The following KIAA1217 variants were observed in gnomAD, a reference collection of about 807,000 sequenced individuals.
KIAA1217 encodes KIAA1217.
Under a neutral mutation model 163.9 loss-of-function variants are expected in KIAA1217, and 88 were observed. That is an observed-to-expected ratio of 0.54 (90% confidence interval 0.45 to 0.64). KIAA1217 has a LOEUF of 0.64. Ranked by LOEUF, KIAA1217 falls within the 30% of genes least tolerant of loss-of-function variation. The probability of loss-of-function intolerance (pLI) is 0.00; values close to 1 mark genes in which losing one functional copy is unlikely to be tolerated. For missense variants in KIAA1217, 2,372 were observed against 2,475.0 expected (o/e 0.96, Z 0.88); for synonymous variants, 903 against 923.1 (o/e 0.98, Z 0.39).
intron 2 of KIAA1217, among the ~76,000 whole-genome samples, chr10:24,148,062 A>C (rs2064420824): frequency 6.6e-6 from 1 of 152,076 alleles, no homozygotes; most frequent in Admixed American, 6.6e-5. Context: ...CAAAAGAGGC[A>C]AAAGGTTTTT....
At chr10:24,468,037 G>A (rs185995895) in intron 5 of KIAA1217, among the ~76,000 whole-genome samples, 21 of 152,218 alleles carry the variant, frequency 1.4e-4, no homozygotes, top group Admixed American at 7.8e-4. Context: ...AAGAATACCC[G>A]CAGCAAAGGC....
intron 2 of KIAA1217, among the ~76,000 whole-genome samples, chr10:24,029,562 C>T (rs181703009): frequency 1.8e-4 from 27 of 152,170 alleles, no homozygotes; most frequent in Admixed American, 6.6e-4. Flanking sequence ...TTGGAAAGGC[C>T]AGAGGATTTA....
At chr10:23,997,967 T>C (rs1185891260) in intron 1 of KIAA1217, among the ~76,000 whole-genome samples, 1 of 146,648 alleles carries the variant, frequency 6.8e-6, no homozygotes, top group Non-Finnish European at 1.5e-5. Flanking sequence ...CCAGGAGGTA[T>C]GGAGAAGGGG....
At chr10:23,941,621 G>A (rs1564551571) in intron 1 of KIAA1217, among the ~76,000 whole-genome samples, 3 of 152,264 alleles carry the variant, frequency 2.0e-5, no homozygotes, top group East Asian at 1.9e-4. Context: ...ACAGAATGTA[G>A]AGTGCACATA....
intron 1 of KIAA1217, among the ~76,000 whole-genome samples, chr10:23,816,524 C>A (rs572699592): frequency 1.3e-5 from 2 of 152,060 alleles, no homozygotes; most frequent in Non-Finnish European, 2.9e-5. Context: ...AACTCCTGGC[C>A]GGGTGCGGTG....
chr10:24,520,651 A>AAAATATATATAT (rs1554926857), intron 11 of KIAA1217, among the ~76,000 whole-genome samples: 1 of 39,676 alleles, frequency 2.5e-5, no homozygotes, highest in Non-Finnish European at 4.9e-5. Flanking sequence ...AAAAAAAAAA[A>AAAATATATATAT]ATATATATAT....
At chr10:24,454,244 G>A (rs2061602086) in intron 5 of KIAA1217, among the ~76,000 whole-genome samples, 1 of 152,214 alleles carries the variant, frequency 6.6e-6, no homozygotes, top group African/African-American at 2.4e-5. Context: ...GATAAAAGGT[G>A]TGACTACCTA....
At chr10:24,523,735 A>G (rs1489073407) in intron 12 of KIAA1217, among the ~76,000 whole-genome samples, 3 of 152,248 alleles carry the variant, frequency 2.0e-5, no homozygotes, top group Non-Finnish European at 2.9e-5. Flanking sequence ...ACTAACTGCT[A>G]TTCAAACACA....
chr10:23,816,960 C>T (rs1348002270), intron 1 of KIAA1217, among the ~76,000 whole-genome samples: 2 of 152,218 alleles, frequency 1.3e-5, no homozygotes, highest in Non-Finnish European at 2.9e-5. Flanking sequence ...GCAGCATATA[C>T]TGCTATCCCT....
At chr10:24,474,576 A>G (rs1259290017) in intron 6 of KIAA1217, among the ~76,000 whole-genome samples, 2 of 152,254 alleles carry the variant, frequency 1.3e-5, no homozygotes, top group African/African-American at 2.4e-5. Flanking sequence ...GAGGATAAAC[A>G]TCTGAATTTG....
chr10:24,342,137 TACAC>T (rs2047174731), intron 2 of KIAA1217, among the ~76,000 whole-genome samples: 1 of 152,170 alleles, frequency 6.6e-6, no homozygotes, highest in African/African-American at 2.4e-5. Flanking sequence ...TGTGTACAAA[TACAC>T]ACAAGGCCAT....
rs559034417 is a variant in KIAA1217 at position 24,147,703 on chromosome 10, C to T, written c.-170-71923C>T. Among the ~76,000 whole-genome samples, 14 of 151,574 alleles carry T rather than the reference C, an allele frequency of 9.2e-5. No individual in the cohort carries two copies. The South Asian group carries it at 2.5e-3, about 27-fold the overall frequency. Reference sequence around the variant, plus strand: ...ATTAAATTAGCCAGGTGTGGTGGCACGTGCCTGTAATCCCAACTACTCAGG... The same window carrying T: ...ATTAAATTAGCCAGGTGTGGTGGCATGTGCCTGTAATCCCAACTACTCAGG... On this transcript the variant is annotated intron_variant, in intron 2 of 18. Transcript: ENST00000376462.
At chr10:23,915,546 G>A (rs555964708) in intron 1 of KIAA1217, among the ~76,000 whole-genome samples, 54 of 152,264 alleles carry the variant, frequency 3.5e-4, no homozygotes, top group Non-Finnish European at 7.2e-4. Flanking sequence ...CTTAATTTGG[G>A]CTGATACACC....
At chr10:23,734,117 A>T (rs1335821) in intron 1 of KIAA1217, among the ~76,000 whole-genome samples, 24,271 of 151,966 alleles carry the variant, frequency 0.16, 2,227 homozygotes, top group Middle Eastern at 0.25. Context: ...CTCCCAACTT[A>T]GTAGGAACCC....
chr10:23,927,496 G>A (rs1480734378), intron 1 of KIAA1217, among the ~76,000 whole-genome samples: 1 of 152,098 alleles, frequency 6.6e-6, no homozygotes, highest in East Asian at 1.9e-4. Context: ...AGATTTTGAA[G>A]GATCAAAATC....
At chr10:24,273,354 G>A (rs566406142) in intron 2 of KIAA1217, among the ~76,000 whole-genome samples, 84 of 152,278 alleles carry the variant, frequency 5.5e-4, no homozygotes, top group Non-Finnish European at 8.5e-4. Flanking sequence ...TTCTCAGACA[G>A]TCCAGGCTAA....
intron 1 of KIAA1217, among the ~76,000 whole-genome samples, chr10:23,759,058 A>G (rs2130852642): frequency 6.6e-6 from 1 of 152,280 alleles, no homozygotes; most frequent in South Asian, 2.1e-4. Flanking sequence ...GAACATGGGA[A>G]ATCTTTCCAC....
intron 2 of KIAA1217, among the ~76,000 whole-genome samples, chr10:24,030,895 A>T (rs1421173371): frequency 6.6e-6 from 1 of 152,154 alleles, no homozygotes; most frequent in Admixed American, 6.5e-5. Context: ...TATATACCAC[A>T]CTTTATCCAT....
rs754194695 is a variant in KIAA1217, at chr10:24,524,384, ATGG to A, written c.2519_2521del (p.Met840_Glu841delinsLys). 1,624 of 1,614,234 alleles carry A rather than the reference ATGG, an allele frequency of 1.0e-3. No homozygotes were observed. The highest frequency in any genetic ancestry group is 1.2e-3 in the Non-Finnish European group (1,465 of 1,180,040). ...AGCCCAAGCCGCACAGTACATGGCT[ATGG>A]AAAAGGCCACAGCCGCAGAAGTCCT... is the stretch of plus-strand genomic sequence containing the variant. On this transcript the variant is annotated inframe_deletion, in exon 13 of 21. Coordinates refer to ENST00000376454, the MANE Select transcript of KIAA1217 (RefSeq NM_019590.5).
Sources: gnomAD v4.1 joint callset for allele counts (sites outside exome capture counted in the v4.1 genomes callset) on GRCh38, gnomAD v4.1.1 for gene constraint, MANE v1.5 for transcripts, NCBI Gene and HGNC (gene_info 2026-07-23, HGNC 2026-07-21) for gene names.